Variants in RARB observed in about 807,000 individuals in gnomAD.
The protein encoded by RARB is HBV-activated protein.
In RARB, 17 loss-of-function variants were observed where a neutral mutation model predicts 51.9. The ratio of observed to expected loss-of-function variants is 0.33; its 90% CI spans 0.22 to 0.49. The LOEUF is 0.49. Among genes scored for constraint, RARB ranks in the 20% least tolerant of loss-of-function variants. RARB has a pLI of 0.99. For missense variants in RARB, 369 were observed against 550.8 expected, an observed-to-expected ratio of 0.67 and a Z score of 3.30; for synonymous variants, 215 against 195.4, an observed-to-expected ratio of 1.10 and a Z score of -0.84.
intron 2 of RARB, among the ~76,000 whole-genome samples, chr3:24,860,276 C>T (rs545455092): frequency 3.3e-5 from 5 of 152,060 alleles, no homozygotes; most frequent in Admixed American, 1.3e-4. Flanking sequence ...TAGGAATAAA[C>T]CTTTTGCATT....
chr3:25,065,968 A>G (rs1011045494), intron 3 of RARB, among the ~76,000 whole-genome samples: 5 of 152,182 alleles, frequency 3.3e-5, no homozygotes, highest in East Asian at 1.9e-4. Context: ...GCTTTCTTCT[A>G]TGAGTCATTA....
chr3:25,523,546 G>C (rs1351579357), intron 3 of RARB, among the ~76,000 whole-genome samples: 1 of 152,190 alleles, frequency 6.6e-6, no homozygotes, highest in African/African-American at 2.4e-5. Flanking sequence ...TGTTTCTAAG[G>C]GGAGTGCCCT....
At chr3:25,325,081 T>G (rs1056166647) in intron 5 of RARB, among the ~76,000 whole-genome samples, 1 of 152,214 alleles carries the variant, frequency 6.6e-6, no homozygotes, top group Non-Finnish European at 1.5e-5. Flanking sequence ...TACTTAGTTA[T>G]TGCTTGATTA....
chr3:25,071,706 T>C (rs1312472051), intron 3 of RARB, among the ~76,000 whole-genome samples: 3 of 152,200 alleles, frequency 2.0e-5, no homozygotes, highest in South Asian at 2.1e-4. Flanking sequence ...AAGATTCAAA[T>C]TGGAAAATAC....
upstream of RARB, among the ~76,000 whole-genome samples, chr3:25,427,812 C>A (rs185045264): frequency 6.6e-6 from 1 of 152,094 alleles, no homozygotes; most frequent in African/African-American, 2.4e-5. Flanking sequence ...TGGAAAAATA[C>A]ATAAGTTATA....
At chr3:25,538,641 T>G (rs1485237419) in intron 3 of RARB, among the ~76,000 whole-genome samples, 2 of 152,226 alleles carry the variant, frequency 1.3e-5, no homozygotes, top group Non-Finnish European at 2.9e-5. Flanking sequence ...GCATTTCATT[T>G]TTCTAGTAGT....
chr3:24,979,095 G>C lies in RARB; in HGVS notation c.-379-81030G>C, dbSNP rs183607541. The stretch of plus-strand genomic sequence containing the variant: ...GTTTCTTAATCCTGAGTTCTAATTT[G>C]ATTGCACTGTGGTCTGAGAGAAAGT... On this transcript the variant is annotated intron_variant, in intron 2 of 11. Transcript: ENST00000383772. Among the ~76,000 whole-genome samples the C allele has an allele frequency of 2.3e-3, 353 of 152,300 alleles. 2 individuals are homozygous for C. Among genetic ancestry groups the C allele is most frequent in the African/African-American group, 7.9e-3 (328 of 41,574 alleles).
At chr3:25,023,985 C>T (rs1697692362) in intron 2 of RARB, among the ~76,000 whole-genome samples, 2 of 152,134 alleles carry the variant, frequency 1.3e-5, no homozygotes, top group African/African-American at 2.4e-5. Context: ...TTCCCTGGCT[C>T]TCCATATGTT....
At chr3:25,322,791 C>G (rs908098808) in intron 5 of RARB, among the ~76,000 whole-genome samples, 1 of 152,154 alleles carries the variant, frequency 6.6e-6, no homozygotes, top group African/African-American at 2.4e-5. Flanking sequence ...GACAAGAGCA[C>G]ATAAGCACAG....
chr3:25,191,129 T>C (rs1575207556), intron 5 of RARB, among the ~76,000 whole-genome samples: 3 of 152,270 alleles, frequency 2.0e-5, no homozygotes, highest in African/African-American at 7.2e-5. Context: ...CTTTCATGTA[T>C]TAAAAGGGCA....
intron 1 of RARB, among the ~76,000 whole-genome samples, chr3:25,458,697 A>G (rs899529188): frequency 7.2e-5 from 11 of 152,218 alleles, no homozygotes; most frequent in African/African-American, 2.7e-4. Flanking sequence ...GGTTCTAACC[A>G]GTAAAGACTA....
intron 2 of RARB, among the ~76,000 whole-genome samples, chr3:24,954,886 G>T (rs1236013986): frequency 1.3e-5 from 2 of 152,164 alleles, no homozygotes; most frequent in African/African-American, 4.8e-5. Flanking sequence ...GCAGGTGAGT[G>T]GTTGCAGGAG....
At chr3:25,380,105 A>G (rs1006380349) in intron 5 of RARB, among the ~76,000 whole-genome samples, 7 of 152,210 alleles carry the variant, frequency 4.6e-5, no homozygotes, top group African/African-American at 1.7e-4. Flanking sequence ...ATTTCCTATT[A>G]TATCATAATA....
intron 1 of RARB, among the ~76,000 whole-genome samples, chr3:25,453,656 C>A (rs1575418138): frequency 3.9e-5 from 6 of 152,268 alleles, no homozygotes; most frequent in Admixed American, 3.9e-4. Context: ...TCCCCCAGCC[C>A]TTCCTTTTGT....
At chr3:25,383,793 G>A (rs755975913) in intron 5 of RARB, among the ~76,000 whole-genome samples, 79 of 152,132 alleles carry the variant, frequency 5.2e-4, no homozygotes, top group South Asian at 1.0e-3. Flanking sequence ...AGCCAGGCGT[G>A]GTGGCAGGCA....
chr3:25,076,443 T>C (rs982138228), intron 3 of RARB, among the ~76,000 whole-genome samples: 2 of 152,214 alleles, frequency 1.3e-5, no homozygotes, highest in African/African-American at 4.8e-5. Context: ...ATATGCTTTG[T>C]ACATGTAATG....
chr3:25,194,999 T>C (rs1342465976), intron 5 of RARB, among the ~76,000 whole-genome samples: 1 of 151,992 alleles, frequency 6.6e-6, no homozygotes, highest in Non-Finnish European at 1.5e-5. Context: ...ATACCTCCAA[T>C]GGATATTTTC....
intron 5 of RARB, among the ~76,000 whole-genome samples, chr3:25,196,831 C>A (rs988833480): frequency 6.6e-6 from 1 of 152,130 alleles, no homozygotes; most frequent in Non-Finnish European, 1.5e-5. Flanking sequence ...TGATAATGAG[C>A]ATTTTTTCGT....
intron 2 of RARB, among the ~76,000 whole-genome samples, chr3:24,911,866 C>T (rs1477087287): frequency 6.6e-6 from 1 of 152,162 alleles, no homozygotes; most frequent in African/African-American, 2.4e-5. Context: ...CTATAGACTT[C>T]ACTAGATTTT....
Sources: allele counts gnomAD v4.1 joint callset (sites outside exome capture counted in the v4.1 genomes callset), GRCh38; gene constraint gnomAD v4.1.1; transcripts MANE v1.5; gene names NCBI Gene and HGNC (gene_info 2026-07-23, HGNC 2026-07-21).